Variants in CTNNA2 observed in about 807,000 individuals in gnomAD.
CTNNA2 encodes the protein catenin alpha 2, also known as catenin alpha-2.
Under a neutral mutation model 101.0 loss-of-function variants are expected in CTNNA2, and 42 were observed. The observed-to-expected ratio is 0.42, with a 90% CI of 0.32 to 0.54. CTNNA2 has a LOEUF of 0.54. Among genes scored for constraint, CTNNA2 ranks in the 20% least tolerant of loss-of-function variants. The pLI is 0.14. For synonymous variants in CTNNA2, 450 were observed against 456.4 expected (o/e 0.99, Z 0.18); for missense variants, 871 against 1,223.1 (o/e 0.71, Z 4.29).
intron 9 of CTNNA2, among the ~76,000 whole-genome samples, chr2:80,439,939 A>G (rs1191871282): frequency 6.6e-6 from 1 of 152,218 alleles, no homozygotes; most frequent in African/African-American, 2.4e-5. Flanking sequence ...AATGAACAAA[A>G]CAGAGATCTC....
intron 7 of CTNNA2, among the ~76,000 whole-genome samples, chr2:80,166,870 G>C (rs1269832558): frequency 6.6e-6 from 1 of 152,040 alleles, no homozygotes; most frequent in Admixed American, 6.6e-5. Context: ...CACGTTTTCT[G>C]TCAGAATTAG....
intron 7 of CTNNA2, among the ~76,000 whole-genome samples, chr2:80,215,373 C>T (rs896374636): frequency 6.6e-6 from 1 of 152,146 alleles, no homozygotes; most frequent in Non-Finnish European, 1.5e-5. Context: ...CTTTTCTGCT[C>T]TATCCCTATC....
intron 4 of CTNNA2, among the ~76,000 whole-genome samples, chr2:79,379,314 T>C (rs1678014349): frequency 6.6e-6 from 1 of 152,248 alleles, no homozygotes; most frequent in Non-Finnish European, 1.5e-5. Context: ...GAATGTATAA[T>C]ATTCCATTAT....
intron 7 of CTNNA2, among the ~76,000 whole-genome samples, chr2:80,375,187 T>C (rs1315432149): frequency 6.6e-6 from 1 of 152,156 alleles, no homozygotes; most frequent in African/African-American, 2.4e-5. Context: ...TAACAGGCTT[T>C]GGTTAATCAC....
chr2:79,947,449 A>G (rs1343552938), intron 7 of CTNNA2, among the ~76,000 whole-genome samples: 4 of 152,202 alleles, frequency 2.6e-5, no homozygotes, highest in Non-Finnish European at 5.9e-5. Context: ...GTAATGATGC[A>G]AAGTAGTGCT....
intron 18 of CTNNA2, among the ~76,000 whole-genome samples, chr2:80,625,824 G>A (rs1305256848): frequency 6.6e-6 from 1 of 151,936 alleles, no homozygotes; most frequent in Admixed American, 6.6e-5. Flanking sequence ...ATTTCGAAAT[G>A]CACTGTTTAA....
At chr2:79,461,031 G>A (rs187019943) in intron 4 of CTNNA2, among the ~76,000 whole-genome samples, 7 of 152,106 alleles carry the variant, frequency 4.6e-5, no homozygotes, top group East Asian at 3.9e-4. Context: ...TAGTAGAGAC[G>A]AGATTTCACT....
chr2:79,361,415 T>A (rs1381231718), intron 3 of CTNNA2, among the ~76,000 whole-genome samples: 1 of 152,190 alleles, frequency 6.6e-6, no homozygotes, highest in Non-Finnish European at 1.5e-5. Context: ...ATGGGAAATA[T>A]AAATGGCAAC....
chr2:79,545,249 G>A (rs1673660013), intron 1 of CTNNA2, among the ~76,000 whole-genome samples: 1 of 152,130 alleles, frequency 6.6e-6, no homozygotes. Flanking sequence ...AGTTTTGTGT[G>A]CAACTTCTAG....
intron 9 of CTNNA2, among the ~76,000 whole-genome samples, chr2:80,497,910 C>A (rs1687592040): frequency 6.6e-6 from 1 of 152,160 alleles, no homozygotes; most frequent in Non-Finnish European, 1.5e-5. Context: ...TGAGATCAGA[C>A]CATGGCTGAC....
At chr2:80,604,853 A>G (rs1234382150) in intron 16 of CTNNA2, among the ~76,000 whole-genome samples, 1 of 151,984 alleles carries the variant, frequency 6.6e-6, no homozygotes, top group African/African-American at 2.4e-5. Context: ...GGGGTAGGAC[A>G]GTCAGGGGCA....
chr2:79,317,761 T>C (rs895417966), intron 3 of CTNNA2, among the ~76,000 whole-genome samples: 4 of 152,146 alleles, frequency 2.6e-5, no homozygotes, highest in Admixed American at 2.6e-4. Context: ...TCAAGGCCTA[T>C]AAAAGTCTTA....
At chr2:80,578,857 C>G (rs951936321) in intron 13 of CTNNA2, 2 of 152,018 alleles carry the variant, frequency 1.3e-5, no homozygotes, top group Middle Eastern at 3.4e-3. Context: ...AATGCCTGTC[C>G]CATAGTGGGT....
intron 2 of CTNNA2, among the ~76,000 whole-genome samples, chr2:79,300,369 A>G (rs567808327): frequency 6.4e-4 from 98 of 152,190 alleles, no homozygotes; most frequent in Non-Finnish European, 1.0e-3. Flanking sequence ...CCTAAATAAT[A>G]TGCCATTGTA....
chr2:79,379,785 T>G lies in CTNNA2; in HGVS notation c.-135+5772T>G, dbSNP rs183453139. ...CTGGGAAGGAAGAAATATCCCAGAT[T>G]CGTATTCAAAAAAAATTTTTTAATA... On this transcript the variant is annotated intron_variant, in intron 4 of 21. Coordinates refer to the CTNNA2 transcript ENST00000466387. Among the ~76,000 whole-genome samples, 796 of 152,250 alleles carry G rather than the reference T, an allele frequency of 5.2e-3. 9 individuals are homozygous for G. Among genetic ancestry groups the G allele is most frequent in the African/African-American group, 0.018 (752 of 41,556 alleles).
chr2:79,917,445 G>GAGAAAGTTT (rs1686330524), intron 7 of CTNNA2, among the ~76,000 whole-genome samples: 2 of 152,094 alleles, frequency 1.3e-5, no homozygotes, highest in African/African-American at 4.8e-5. Context: ...TTTCTCTGAG[G>GAGAAAGTTT]TGAAAAACTA....
At chr2:79,574,965 G>A (rs1057260724) in intron 1 of CTNNA2, among the ~76,000 whole-genome samples, 1 of 152,154 alleles carries the variant, frequency 6.6e-6, no homozygotes, top group South Asian at 2.1e-4. Context: ...TGAATGATTA[G>A]TGATGTTGAG....
chr2:79,243,440 G>A (rs1172208904), intron 2 of CTNNA2, among the ~76,000 whole-genome samples: 4 of 152,144 alleles, frequency 2.6e-5, no homozygotes, highest in South Asian at 2.1e-4. Context: ...GAAGGGAGGG[G>A]TCACAGGATC....
chr2:79,293,771 G>A (rs145557205), intron 2 of CTNNA2, among the ~76,000 whole-genome samples: 1 of 152,248 alleles, frequency 6.6e-6, no homozygotes, highest in East Asian at 1.9e-4. Context: ...GAATGAGTAT[G>A]AGGGTAAACA....
Sources: allele counts gnomAD v4.1 joint callset (sites outside exome capture counted in the v4.1 genomes callset), GRCh38; gene constraint gnomAD v4.1.1; transcripts MANE v1.5; gene names NCBI Gene and HGNC (gene_info 2026-07-23, HGNC 2026-07-21).